MED12L: variants seen among roughly 807,000 people sequenced by gnomAD.
The protein encoded by MED12L is mediator of RNA polymerase II transcription subunit 12-like protein.
In MED12L, 60 loss-of-function variants were observed where a neutral mutation model predicts 281.3. That is an observed-to-expected ratio of 0.21 (90% CI 0.17 to 0.26). The LOEUF (loss-of-function observed/expected upper bound fraction) is 0.26. Ranked by LOEUF, MED12L falls within the 10% of genes least tolerant of loss-of-function variation. MED12L has a pLI of 1.00. For synonymous variants in MED12L, 974 were observed against 987.2 expected, an observed-to-expected ratio of 0.99 and a Z score of 0.25; for missense variants, 2,146 against 2,680.9, an observed-to-expected ratio of 0.80 and a Z score of 4.41.
Position 151,292,288 on chromosome 3 carries a change from C to CTTTTTTTTTTTT in MED12L, c.2251-57765_2251-57754dup, listed in dbSNP as rs35742538. Among the ~76,000 whole-genome samples, 814 of 139,434 alleles carry CTTTTTTTTTTTT rather than the reference C, an allele frequency of 5.8e-3. 4 individuals carry two copies. Among genetic ancestry groups the CTTTTTTTTTTTT allele is most frequent in the African/African-American group, 0.02 (726 of 36,332 alleles). The allele number at this position is 139,434 out of a possible 152,430, so 91.5% of individuals were successfully genotyped here. On this transcript the variant is annotated intron_variant, in intron 16 of 44. Coordinates refer to ENST00000687756, the MANE Select transcript of MED12L (RefSeq NM_001393769.1). ...TATTTTCCCAGCAATAATATTGCTCCTTTTTTTTTTTTTTTTTGGATGGAG... is the reference window on the plus strand; with the variant it reads ...TATTTTCCCAGCAATAATATTGCTCCTTTTTTTTTTTTTTTTTTTTTTTTTTTTTGGATGGAG...
chr3:151,166,401 G>T (rs115665484), intron 11 of MED12L, among the ~76,000 whole-genome samples: 1 of 151,994 alleles, frequency 6.6e-6, no homozygotes, highest in Non-Finnish European at 1.5e-5. Flanking sequence ...ATGTGTTAGG[G>T]TTCTACAGAG....
At chr3:151,128,102 T>C (rs1245596423) in intron 5 of MED12L, 118 bp downstream of exon 5, 14 of 881,010 alleles carry the variant, frequency 1.6e-5, no homozygotes, top group East Asian at 2.5e-5. Context: ...GTGGTGAGAC[T>C]GATTTGCTCG....
intron 16 of MED12L, among the ~76,000 whole-genome samples, chr3:151,307,809 G>A (rs1577293001): frequency 6.6e-6 from 1 of 152,132 alleles, no homozygotes; most frequent in African/African-American, 2.4e-5. Context: ...GGCTGCCTCT[G>A]TGGTGTTGCT....
chr3:151,137,268 T>TAG (rs1324221779), intron 5 of MED12L, among the ~76,000 whole-genome samples: 1 of 152,164 alleles, frequency 6.6e-6, no homozygotes, highest in Non-Finnish European at 1.5e-5. Context: ...CAAGTACACT[T>TAG]CTGTTAAATT....
chr3:151,226,940 G>C (rs1730614261), intron 16 of MED12L, among the ~76,000 whole-genome samples: 1 of 152,216 alleles, frequency 6.6e-6, no homozygotes, highest in Non-Finnish European at 1.5e-5. Context: ...GAGAAACCCA[G>C]ATCTGCTGCA....
Position 151,303,093 on chromosome 3 carries a change from A to G in MED12L, c.2251-46966A>G, listed in dbSNP as rs190795536. On this transcript the variant is annotated intron_variant, in intron 16 of 44. Transcript: ENST00000687756. ...ATAAGGTATAATAGTCTACTGAGGA[A>G]CTGGTGACAGCATGTAGAGATGGAG... Among the ~76,000 whole-genome samples, 6 of 152,306 alleles carry G rather than the reference A, an allele frequency of 3.9e-5. No individual in the cohort carries two copies. In the East Asian group the frequency reaches 1.2e-3, roughly 29 times the overall value.
intron 16 of MED12L, among the ~76,000 whole-genome samples, chr3:151,235,623 G>A (rs1013198799): frequency 6.6e-6 from 1 of 152,100 alleles, no homozygotes; most frequent in African/African-American, 2.4e-5. Flanking sequence ...GAACCTGGGA[G>A]GCAGAGGTCG....
At chr3:151,308,873 A>G (rs1449179801) in intron 16 of MED12L, among the ~76,000 whole-genome samples, 6 of 152,272 alleles carry the variant, frequency 3.9e-5, no homozygotes, top group African/African-American at 1.4e-4. Flanking sequence ...AATGCTGTTT[A>G]AGTTAATGGA....
At chr3:151,325,500 T>G (rs1749489413) in intron 16 of MED12L, among the ~76,000 whole-genome samples, 1 of 152,170 alleles carries the variant, frequency 6.6e-6, no homozygotes, top group African/African-American at 2.4e-5. Context: ...AACTTAGTAT[T>G]TGTGATTGCT....
At chr3:151,229,977 T>C (rs1236118366) in intron 16 of MED12L, among the ~76,000 whole-genome samples, 1 of 151,928 alleles carries the variant, frequency 6.6e-6, no homozygotes, top group East Asian at 1.9e-4. Context: ...TTGTTTTTTG[T>C]TTTTGTTTTG....
At chr3:151,147,951 T>A (rs1323294926) in intron 5 of MED12L, among the ~76,000 whole-genome samples, 1 of 152,244 alleles carries the variant, frequency 6.6e-6, no homozygotes, top group African/African-American at 2.4e-5. Context: ...TCCTACTGTT[T>A]TCCACATATT....
intron 39 of MED12L, among the ~76,000 whole-genome samples, chr3:151,403,412 G>A (rs151083482): frequency 6.6e-6 from 1 of 152,128 alleles, no homozygotes; most frequent in Non-Finnish European, 1.5e-5. Flanking sequence ...ATGGCATGCT[G>A]ATTCATAGGC....
intron 26 of MED12L, among the ~76,000 whole-genome samples, chr3:151,371,337 C>T (rs1182948305): frequency 2.6e-5 from 4 of 152,142 alleles, no homozygotes; most frequent in Non-Finnish European, 4.4e-5. Flanking sequence ...CATCACCTAA[C>T]GGTAGTGAAA....
chr3:151,343,818 A>G (rs558148114), intron 16 of MED12L, among the ~76,000 whole-genome samples: 3 of 152,174 alleles, frequency 2.0e-5, no homozygotes, highest in Non-Finnish European at 4.4e-5. Context: ...GTTTGCTTCA[A>G]ATGGGATTAC....
chr3:151,120,086 G>A (rs1326950032), intron 3 of MED12L, among the ~76,000 whole-genome samples: 1 of 150,678 alleles, frequency 6.6e-6, no homozygotes, highest in African/African-American at 2.4e-5. Context: ...TTAGCTGGGT[G>A]TGGTGGTCGG....
intron 16 of MED12L, among the ~76,000 whole-genome samples, chr3:151,324,806 A>G (rs1334129086): frequency 3.3e-5 from 5 of 152,178 alleles, no homozygotes; most frequent in African/African-American, 4.8e-5. Flanking sequence ...TATTTCCTAC[A>G]TTTGGTTTCT....
In MED12L at chr3:151,294,981, T is replaced by C. The variant is rs769408945; in HGVS notation, c.2251-55078T>C. 10 of 1,613,862 alleles carry C rather than the reference T, an allele frequency of 6.2e-6. No individual in the cohort carries two copies. The highest frequency in any genetic ancestry group is 1.3e-5 in the African/African-American group (1 of 74,938). ...CGAAATGGAAATGTCAGCGTCATTA[T>C]GAGGTCTGCAACCACTATGTTTTTG... On this transcript the variant is annotated intron_variant, in intron 16 of 44. Coordinates refer to ENST00000687756, the MANE Select transcript of MED12L (RefSeq NM_001393769.1).
At chr3:151,251,039 A>T (rs746815108) in intron 16 of MED12L, among the ~76,000 whole-genome samples, 1 of 152,202 alleles carries the variant, frequency 6.6e-6, no homozygotes, top group African/African-American at 2.4e-5. Flanking sequence ...GTACTTTGGC[A>T]TACTGCCCTT....
At chr3:151,413,108 G>A in intron 41 of MED12L, 31 bp from the exon 42 acceptor site, 2 of 1,598,376 alleles carry the variant, frequency 1.3e-6, no homozygotes, top group Non-Finnish European at 1.7e-6. Context: ...TTATGCTTGG[G>A]CCTGAACCAA....
Sources: gnomAD v4.1 joint callset for allele counts (sites outside exome capture counted in the v4.1 genomes callset) on GRCh38, gnomAD v4.1.1 for gene constraint, MANE v1.5 for transcripts, NCBI Gene and HGNC (gene_info 2026-07-23, HGNC 2026-07-21) for gene names.